HIPK2: variants seen among roughly 807,000 people sequenced by gnomAD.
The protein encoded by HIPK2 is homeodomain interacting protein kinase 2, also known as homeodomain-interacting protein kinase 2.
In HIPK2, 27 loss-of-function variants were observed where a neutral mutation model predicts 113.7. The observed-to-expected ratio is 0.24, with a 90% CI of 0.17 to 0.33. The LOEUF is 0.33. HIPK2 is among the 10% of genes least tolerant of loss of function. The pLI is 1.00. For synonymous variants in HIPK2, 631 were observed against 642.2 expected (o/e 0.98, Z 0.26); for missense variants, 1,257 against 1,588.0 (o/e 0.79, Z 3.54).
At chr7:139,699,433 C>T (rs1794648934) in intron 2 of HIPK2, among the ~76,000 whole-genome samples, 1 of 152,184 alleles carries the variant, frequency 6.6e-6, no homozygotes, top group Non-Finnish European at 1.5e-5. Flanking sequence ...TCCCCGCCTC[C>T]TCTTTATCAC....
chr7:139,616,586 G>A (rs1800050540), intron 7 of HIPK2, among the ~76,000 whole-genome samples: 1 of 152,188 alleles, frequency 6.6e-6, no homozygotes, highest in Admixed American at 6.5e-5. Flanking sequence ...CCAAGCCTTT[G>A]GGCTTTAAGG....
intron 2 of HIPK2, among the ~76,000 whole-genome samples, chr7:139,638,728 G>A (rs920484503): frequency 2.7e-5 from 4 of 149,796 alleles, no homozygotes; most frequent in Non-Finnish European, 5.9e-5. Context: ...CGCGATCTTG[G>A]CTCACTGCCA....
intron 2 of HIPK2, among the ~76,000 whole-genome samples, chr7:139,709,950 T>G (rs1209764904): frequency 6.6e-6 from 1 of 152,226 alleles, no homozygotes; most frequent in Non-Finnish European, 1.5e-5. Context: ...GCACTAACAA[T>G]GTCCACATTC....
In HIPK2 at chr7:139,692,906, G is replaced by C. The variant is rs565818934; in HGVS notation, c.1103+23026C>G. 4.8e-4 allele frequency among the ~76,000 whole-genome samples: 73 copies of C among 152,352 alleles called. 4 individuals carry two copies. In the South Asian group the frequency reaches 0.014, roughly 29 times the overall value. ...TGCCCAGCTTGGGGCTAGAAGCCAGGTCGTTTGGTTCCTATGCCAATATTT... is the reference window on the plus strand; with the variant it reads ...TGCCCAGCTTGGGGCTAGAAGCCAGCTCGTTTGGTTCCTATGCCAATATTT... On this transcript the variant is annotated intron_variant, in intron 2 of 14. Coordinates refer to ENST00000406875, the MANE Select transcript of HIPK2 (RefSeq NM_022740.5).
At chr7:139,632,084 T>C (rs114308609) in intron 2 of HIPK2, among the ~76,000 whole-genome samples, 221 of 152,380 alleles carry the variant, frequency 1.5e-3, no homozygotes, top group African/African-American at 5.2e-3. Flanking sequence ...TCTGGGAAAC[T>C]AATCTTCAGA....
intron 1 of HIPK2, among the ~76,000 whole-genome samples, chr7:139,719,586 A>C (rs1013631697): frequency 6.6e-6 from 1 of 152,198 alleles, no homozygotes; most frequent in Non-Finnish European, 1.5e-5. Flanking sequence ...ACAATGTCAA[A>C]GATGCGCTTC....
Position 139,716,761 on chromosome 7 carries a change from G to C in HIPK2, c.274C>G (p.His92Asp). 1 of 1,613,930 alleles carries C rather than the reference G, an allele frequency of 6.2e-7. No homozygotes were observed. The highest frequency in any genetic ancestry group is 8.5e-7 in the Non-Finnish European group (1 of 1,179,878). ...CTGCTTGCTGAGGTGACCACGATGT[G>C]CCCGGTGCTTCCTGGGAAGACGATG... ...QTIVFPGSTG[H>D]IVVTSASSTS... The change falls in exon 2 of 15, where the codon CAC (histidine) becomes GAC (aspartate). Residue 92 changes from histidine (H) to aspartate (D), a missense_variant. By Grantham distance (81) the His-to-Asp change is moderately conservative. Around this residue, in one of 5 missense-constraint regions of HIPK2, gnomAD observed 209 missense variants for 237.8 expected, o/e 0.88. Coordinates refer to ENST00000406875, the MANE Select transcript of HIPK2 (RefSeq NM_022740.5). The surrounding 1 kb of genome is among the most constrained non-coding windows in gnomAD (Gnocchi z 9.3).
At position 139,773,363 on chromosome 7, in the gene HIPK2, T is replaced by C. The variant is rs188484032; in HGVS notation, c.19+4242A>G. On this transcript the variant is annotated intron_variant, in intron 1 of 14. Transcript: ENST00000406875. ...GAATAGCTATATGAAATGGAACTCT[T>C]GCGAGTTTGGGCCTTTCAAGTTCAC... Among the ~76,000 whole-genome samples the C allele has an allele frequency of 5.9e-5, 9 of 152,342 alleles. No individual in the cohort carries two copies. The East Asian group carries it at 1.7e-3, about 29-fold the overall frequency.
chr7:139,596,559 C>T (rs1034391293), intron 12 of HIPK2, 158 bp downstream of exon 12: 13 of 464,196 alleles, frequency 2.8e-5, no homozygotes, highest in African/African-American at 2.5e-4. Flanking sequence ...GTTTGACATT[C>T]CCTTGAAATA....
At chr7:139,735,609 G>C (rs545224394) in intron 1 of HIPK2, among the ~76,000 whole-genome samples, 1 of 152,200 alleles carries the variant, frequency 6.6e-6, no homozygotes, top group Non-Finnish European at 1.5e-5. Flanking sequence ...TCAACAGGAC[G>C]AGATGGGCCA....
At chr7:139,707,762 C>T (rs888333965) in intron 2 of HIPK2, among the ~76,000 whole-genome samples, 1 of 152,254 alleles carries the variant, frequency 6.6e-6, no homozygotes, top group African/African-American at 2.4e-5. Context: ...ATGAGAGTTA[C>T]AGCTCCAAAC....
At chr7:139,754,007 C>A (rs1159954483) in intron 1 of HIPK2, among the ~76,000 whole-genome samples, 1 of 152,236 alleles carries the variant, frequency 6.6e-6, no homozygotes, top group Non-Finnish European at 1.5e-5. Context: ...GGGCTTCCAC[C>A]TGACTTCAAA....
intron 9 of HIPK2, among the ~76,000 whole-genome samples, chr7:139,612,507 T>C (rs1799871145): frequency 2.0e-5 from 3 of 152,190 alleles, no homozygotes; most frequent in African/African-American, 7.2e-5. Context: ...TTTCCCTATT[T>C]GTCAAATGGA....
chr7:139,772,257 A>G (rs556582402), intron 1 of HIPK2, among the ~76,000 whole-genome samples: 2 of 152,332 alleles, frequency 1.3e-5, no homozygotes, highest in African/African-American at 4.8e-5. Flanking sequence ...CCTGGAATAC[A>G]AGGTCTCAGC....
intron 11 of HIPK2, among the ~76,000 whole-genome samples, chr7:139,600,174 T>G (rs1280703137): frequency 6.6e-6 from 1 of 152,162 alleles, no homozygotes; most frequent in African/African-American, 2.4e-5. Context: ...TCTTGCCCAC[T>G]GCAAGATTCC....
chr7:139,749,826 C>A (rs1796251889), intron 1 of HIPK2, among the ~76,000 whole-genome samples: 1 of 152,224 alleles, frequency 6.6e-6, no homozygotes, highest in Non-Finnish European at 1.5e-5. Flanking sequence ...TCATACTGTC[C>A]TGGCACTGTC....
Position 139,589,404 on chromosome 7 carries a change from TAA to T in HIPK2, c.2718-5342_2718-5341del, listed in dbSNP as rs150232763. 7.1e-3 allele frequency among the ~76,000 whole-genome samples: 1,005 copies of T among 141,916 alleles called. 12 individuals carry two copies. Among genetic ancestry groups the T allele is most frequent in the African/African-American group, 0.024 (947 of 39,510 alleles). The allele number at this position is 141,916 out of a possible 152,430, so 93.1% of individuals were successfully genotyped here. A position where few individuals can be genotyped will look rare whatever the true frequency, so the allele number is the denominator to read the frequency against. Reference sequence around the variant, plus strand: ...CTGAGTAGTTTAGAAAATGAGCATTTAAAAAAAAAAAAAACAACAAAAAGACA... The same window carrying T: ...CTGAGTAGTTTAGAAAATGAGCATTTAAAAAAAAAAAACAACAAAAAGACA... On this transcript the variant is annotated intron_variant, in intron 12 of 14. Transcript: ENST00000406875.
chr7:139,661,482 C>T (rs1463736877), intron 2 of HIPK2, among the ~76,000 whole-genome samples: 2 of 152,152 alleles, frequency 1.3e-5, no homozygotes, highest in Non-Finnish European at 2.9e-5. Flanking sequence ...ACCTTGGGGT[C>T]TTCTCCTTTC....
intron 1 of HIPK2, among the ~76,000 whole-genome samples, chr7:139,726,294 G>A (rs1795572597): frequency 6.6e-6 from 1 of 152,178 alleles, no homozygotes; most frequent in Admixed American, 6.5e-5. Flanking sequence ...GGGTAAGGGG[G>A]ACCCGGACTA....
Sources: gnomAD v4.1 joint callset for allele counts (sites outside exome capture counted in the v4.1 genomes callset) on GRCh38, gnomAD v4.1.1 for gene constraint, gnomAD v4.1.1 regional missense constraint, Gnocchi (gnomAD v3.1) non-coding constraint, MANE v1.5 for transcripts, NCBI Gene and HGNC (gene_info 2026-07-23, HGNC 2026-07-21) for gene names.